DPY19L2: variants seen among roughly 807,000 people sequenced by gnomAD.
DPY19L2 encodes dpy-19 like 2, also known as probable C-mannosyltransferase DPY19L2.
Under a neutral mutation model 97.9 loss-of-function variants are expected in DPY19L2, and 34 were observed. That is an observed-to-expected ratio of 0.35 (90% CI 0.26 to 0.46). DPY19L2 has a LOEUF of 0.46. Ranked by LOEUF, DPY19L2 falls within the 20% of genes least tolerant of loss-of-function variation. The pLI, the probability that DPY19L2 is intolerant of heterozygous loss-of-function variation, is 1.00. For missense variants in DPY19L2, 623 were observed against 911.4 expected (o/e 0.68, Z 4.07); for synonymous variants, 230 against 307.9 (o/e 0.75, Z 2.65).
At chr12:63,600,787 GTT>G (rs71086688) in intron 12 of DPY19L2, among the ~76,000 whole-genome samples, 57 of 133,040 alleles carry the variant, frequency 4.3e-4, no homozygotes, top group East Asian at 8.7e-4. Context: ...TCTAAAGGAA[GTT>G]TTTTTTTTTT....
chr12:63,600,611 CT>C (rs71434019), intron 12 of DPY19L2, among the ~76,000 whole-genome samples: 23,001 of 110,342 alleles, frequency 0.21, 1,398 homozygotes, highest in East Asian at 0.39. Flanking sequence ...TATCCTAAAT[CT>C]TTTTTTTTTT....
At chr12:63,651,810 C>T (rs946385436) in intron 4 of DPY19L2, 28 of 308,690 alleles carry the variant, frequency 9.1e-5, no homozygotes, top group South Asian at 1.9e-4. Context: ...TGTCCTTGAC[C>T]GCATGAAGAA....
At chr12:63,566,316 T>C (rs1050879881) in intron 21 of DPY19L2, among the ~76,000 whole-genome samples, 3 of 152,116 alleles carry the variant, frequency 2.0e-5, no homozygotes, top group Non-Finnish European at 4.4e-5. Flanking sequence ...CTTTAGACAG[T>C]GTCCTCCACC....
At chr12:63,633,777 T>C (rs906489011) in intron 6 of DPY19L2, among the ~76,000 whole-genome samples, 4 of 152,134 alleles carry the variant, frequency 2.6e-5, no homozygotes, top group South Asian at 2.1e-4. Flanking sequence ...ATGTTTATTG[T>C]GGCACTATTC....
At chr12:63,585,262 G>A (rs2137395830) in intron 16 of DPY19L2, among the ~76,000 whole-genome samples, 1 of 152,212 alleles carries the variant, frequency 6.6e-6, no homozygotes. Context: ...ATAGCCTGCA[G>A]GGGCATTCTA....
At chr12:63,579,992 G>A (rs1244597794) in intron 19 of DPY19L2, among the ~76,000 whole-genome samples, 2 of 152,026 alleles carry the variant, frequency 1.3e-5, no homozygotes, top group African/African-American at 4.8e-5. Context: ...TTTAGTTACA[G>A]AAAATGTTAT....
Position 63,650,687 on chromosome 12 carries a change from G to T in DPY19L2, c.589-3322C>A, listed in dbSNP as rs542820539. Among the ~76,000 whole-genome samples the T allele has an allele frequency of 1.3e-4, 20 of 152,126 alleles. 1 individual carries two copies. The South Asian group carries it at 3.1e-3, about 24-fold the overall frequency. On this transcript the variant is annotated intron_variant, in intron 4 of 21. Coordinates refer to ENST00000324472, the MANE Select transcript of DPY19L2 (RefSeq NM_173812.5). ...TACAAAACACTGCTGAAAGAAATCA[G>T]GGGCAATAAAAACAAATGGAAAAAC...
intron 14 of DPY19L2, among the ~76,000 whole-genome samples, chr12:63,597,150 T>A (rs1346486960): frequency 6.6e-6 from 1 of 151,166 alleles, no homozygotes; most frequent in Non-Finnish European, 1.5e-5. Flanking sequence ...ATTTTTGTAT[T>A]TTTAGTAGAG....
rs139524861 is a variant in DPY19L2, at chr12:63,576,260, C to T, written c.1900+4402G>A. Among the ~76,000 whole-genome samples, 26 of 151,944 alleles carry T rather than the reference C, an allele frequency of 1.7e-4. No individual in the cohort carries two copies. The East Asian group carries it at 4.8e-3, about 28-fold the overall frequency. The stretch of plus-strand genomic sequence containing the variant: ...ATTCAACATACCTTCATGATAAAAA[C>T]CTTCAAATAAACTGGGTATAGAAGG... On this transcript the variant is annotated intron_variant, in intron 19 of 21. Coordinates refer to ENST00000324472, the MANE Select transcript of DPY19L2 (RefSeq NM_173812.5).
At chr12:63,654,858 C>T (rs1170916255) in intron 4 of DPY19L2, among the ~76,000 whole-genome samples, 2 of 152,160 alleles carry the variant, frequency 1.3e-5, no homozygotes, top group Admixed American at 6.5e-5. Context: ...TAGATGTCAA[C>T]GGAGAAATGA....
chr12:63,627,137 T>A (rs1469800739), intron 6 of DPY19L2, among the ~76,000 whole-genome samples: 1 of 152,152 alleles, frequency 6.6e-6, no homozygotes, highest in Non-Finnish European at 1.5e-5. Flanking sequence ...ATCCTTTGAA[T>A]ACTCTGAATA....
At chr12:63,611,023 T>C (rs1049387729) in intron 11 of DPY19L2, among the ~76,000 whole-genome samples, 1 of 151,786 alleles carries the variant, frequency 6.6e-6, no homozygotes, top group Admixed American at 6.6e-5. Flanking sequence ...AAAACCACAA[T>C]GAGATACCAC....
chr12:63,664,336 T>TA (rs1035406055), intron 2 of DPY19L2, among the ~76,000 whole-genome samples: 8 of 147,266 alleles, frequency 5.4e-5, no homozygotes, highest in Middle Eastern at 3.6e-3. Flanking sequence ...GACTCTGTCT[T>TA]AAAAAAAACA....
intron 11 of DPY19L2, among the ~76,000 whole-genome samples, chr12:63,616,281 C>A (rs965582855): frequency 9.9e-5 from 15 of 152,114 alleles, no homozygotes; most frequent in Non-Finnish European, 2.1e-4. Context: ...AAAAAGTTTT[C>A]ATTAAAAGAG....
At chr12:63,602,941 T>A (rs1218183522) in intron 12 of DPY19L2, among the ~76,000 whole-genome samples, 1 of 152,170 alleles carries the variant, frequency 6.6e-6, no homozygotes, top group Non-Finnish European at 1.5e-5. Context: ...CAAATATACA[T>A]AAAACTTACA....
intron 6 of DPY19L2, among the ~76,000 whole-genome samples, chr12:63,631,503 G>C (rs1178298540): frequency 1.3e-5 from 2 of 152,032 alleles, no homozygotes; most frequent in Non-Finnish European, 2.9e-5. Flanking sequence ...ACCCTCCCAA[G>C]ACTAAACCAG....
chr12:63,667,934 T>G (rs1896519365), intron 1 of DPY19L2, 123 bp downstream of exon 1: 2 of 1,191,958 alleles, frequency 1.7e-6, no homozygotes, highest in Non-Finnish European at 2.3e-6. Context: ...TTCTTTCTAC[T>G]CGGACCTTGC....
intron 18 of DPY19L2, among the ~76,000 whole-genome samples, chr12:63,581,479 CTTTTT>C (rs71086686): frequency 5.4e-5 from 5 of 91,832 alleles, no homozygotes; most frequent in East Asian, 7.7e-4. Context: ...CCAGGAAACT[CTTTTT>C]TTTTTTTTTT....
At position 63,582,540 on chromosome 12, in the gene DPY19L2, T is replaced by G. The variant is rs1266842871; in HGVS notation, c.1606-15A>C. The G allele has an allele frequency of 1.2e-6, 2 of 1,601,858 alleles. No homozygotes were observed. Among genetic ancestry groups the G allele is most frequent in the Non-Finnish European group, 1.7e-6 (2 of 1,176,110 alleles). On this transcript the variant is annotated splice_polypyrimidine_tract_variant and intron_variant, in intron 17 of 21. Coordinates refer to ENST00000324472, the MANE Select transcript of DPY19L2 (RefSeq NM_173812.5). ...TGAAAAGCCAGCTATAAAACACAAATAAGACAAAATCACATTTTTACTTTT... is the reference window on the plus strand; with the variant it reads ...TGAAAAGCCAGCTATAAAACACAAAGAAGACAAAATCACATTTTTACTTTT...
Sources: allele counts gnomAD v4.1 joint callset (sites outside exome capture counted in the v4.1 genomes callset), GRCh38; gene constraint gnomAD v4.1.1; transcripts MANE v1.5; gene names NCBI Gene and HGNC (gene_info 2026-07-23, HGNC 2026-07-21).